ZNF398: variants seen among roughly 807,000 people sequenced by gnomAD.
The protein encoded by ZNF398 is zinc finger DNA binding protein ZER6.
In ZNF398, 18 loss-of-function variants were observed where a neutral mutation model predicts 41.9. The observed-to-expected ratio is 0.43, with a 90% CI of 0.30 to 0.64. The LOEUF (loss-of-function observed/expected upper bound fraction) is 0.64, where lower values mean the gene tolerates loss of function less well. Ranked by LOEUF, ZNF398 falls within the 30% of genes least tolerant of loss-of-function variation. The probability of loss-of-function intolerance (pLI) is 0.14; values close to 1 mark genes in which losing one functional copy is unlikely to be tolerated. For missense variants in ZNF398, 669 were observed against 822.8 expected (o/e 0.81, Z 2.29); for synonymous variants, 260 against 308.8 (o/e 0.84, Z 1.66).
At chr7:149,176,293 GC>G (rs1456584346) in intron 4 of ZNF398, among the ~76,000 whole-genome samples, 174 bp from the exon 5 acceptor site, 1 of 152,122 alleles carries the variant, frequency 6.6e-6, no homozygotes, top group African/African-American at 2.4e-5. Flanking sequence ...CTTGCAGTGA[GC>G]CATCGTGCCA....
At chr7:149,133,505 G>A (rs1176135814) in intron 2 of ZNF398, among the ~76,000 whole-genome samples, 1 of 151,374 alleles carries the variant, frequency 6.6e-6, no homozygotes, top group Non-Finnish European at 1.5e-5. Context: ...ATGCAGCCCA[G>A]CCTCATTTTA....
intron 2 of ZNF398, among the ~76,000 whole-genome samples, chr7:149,162,445 G>A (rs1795130245): frequency 6.6e-6 from 1 of 152,126 alleles, no homozygotes; most frequent in African/African-American, 2.4e-5. Flanking sequence ...GCCTCTCAAA[G>A]TGCTGGGATT....
rs1209704316 is a variant in ZNF398, at chr7:149,166,973, G to A, written c.661+43G>A. ...TTCCTACTTCTTGTCTCCCTTTCCT[G>A]GTCAGACATGGTGGCTCAGAGCTAA... On this transcript the variant is annotated intron_variant, in intron 4 of 5. Transcript: ENST00000475153. 4.3e-6 allele frequency: 6 copies of A among 1,402,790 alleles called. No individual in the cohort carries two copies. In the South Asian group the frequency reaches 6.2e-5, roughly 14 times the overall value. The allele number at this position is 1,402,790 out of a possible 1,614,324, so 86.9% of individuals were successfully genotyped here. A position where few individuals can be genotyped will look rare whatever the true frequency, so the allele number is the denominator to read the frequency against.
At position 149,180,786 on chromosome 7, in the gene ZNF398, A is replaced by T. The variant is rs1314687149; in HGVS notation, c.*985A>T. On this transcript the variant is annotated 3_prime_UTR_variant, in exon 6 of 6. Coordinates refer to ENST00000475153, the MANE Select transcript of ZNF398 (RefSeq NM_170686.3). ...CAACAAAGATCACAGCACTTTCCAG[A>T]AGCATGGAGCTTCAGAAAGTGCCAG... 1 of 152,220 alleles carries T rather than the reference A, an allele frequency of 6.6e-6. No individual in the cohort carries two copies. Among genetic ancestry groups the T allele is most frequent in the Non-Finnish European group, 1.5e-5 (1 of 68,038 alleles). 9.4% of individuals were successfully genotyped at this position (152,220 alleles called of 1,614,324 possible). A position where few individuals can be genotyped will look rare whatever the true frequency, so the allele number is the denominator to read the frequency against.
At chr7:149,155,720 T>A (rs761455474) in intron 2 of ZNF398, among the ~76,000 whole-genome samples, 34,889 of 86,486 alleles carry the variant, frequency 0.4, 5,313 homozygotes, top group East Asian at 0.56. Context: ...TTTTTTTTTT[T>A]TTTTTTTTTA....
chr7:149,159,207 G>T (rs10234692), intron 2 of ZNF398, among the ~76,000 whole-genome samples: 9 of 151,810 alleles, frequency 5.9e-5, no homozygotes, highest in East Asian at 2.0e-4. Flanking sequence ...CTCCCAAAGT[G>T]CTGGGATTAC....
At chr7:149,165,049 G>A (rs535269759) in intron 2 of ZNF398, among the ~76,000 whole-genome samples, 314 of 151,342 alleles carry the variant, frequency 2.1e-3, no homozygotes, top group Non-Finnish European at 3.8e-3. Flanking sequence ...AGACGAGATC[G>A]CGCCACTGCA....
At chr7:149,144,318 C>CT (rs1313618588), upstream of ZNF398, among the ~76,000 whole-genome samples, 5 of 151,346 alleles carry the variant, frequency 3.3e-5, no homozygotes, top group South Asian at 4.2e-4. Flanking sequence ...AACTTTACTA[C>CT]TTTTTTTTTG....
chr7:149,155,135 A>G (rs1285699440), intron 2 of ZNF398, among the ~76,000 whole-genome samples: 3 of 151,980 alleles, frequency 2.0e-5, no homozygotes, highest in Non-Finnish European at 4.4e-5. Context: ...TAAAATACAA[A>G]AATTGGCCAG....
chr7:149,172,456 C>G (rs556657765), intron 4 of ZNF398, among the ~76,000 whole-genome samples: 1 of 152,162 alleles, frequency 6.6e-6, no homozygotes, highest in Admixed American at 6.6e-5. Context: ...CGCTCCCCCC[C>G]TTTTTAAAAA....
At position 149,147,882 on chromosome 7, in the gene ZNF398, C is replaced by T. The variant is rs1826996253; in HGVS notation, c.24+116C>T. 3 of 1,192,646 alleles carry T rather than the reference C, an allele frequency of 2.5e-6. No individual in the cohort carries two copies. The highest frequency in any genetic ancestry group is 1.6e-5 in the African/African-American group (1 of 62,900). 73.9% of individuals were successfully genotyped at this position (1,192,646 alleles called of 1,614,324 possible). A position where few individuals can be genotyped will look rare whatever the true frequency, so the allele number is the denominator to read the frequency against. ...CGCCGTTCTCGGGTCCCGCCGGCCACGTCGCCTGTCGCCCGTGCTTGGCGG... is the reference window on the plus strand; with the variant it reads ...CGCCGTTCTCGGGTCCCGCCGGCCATGTCGCCTGTCGCCCGTGCTTGGCGG... On this transcript the variant is annotated intron_variant, in intron 1 of 5. Coordinates refer to ENST00000475153, the MANE Select transcript of ZNF398 (RefSeq NM_170686.3). This position sits in a 1 kb window ranked among gnomAD's most constrained non-coding sequence, Gnocchi z 5.6.
chr7:149,165,062 C>T (rs1795198484), intron 2 of ZNF398, among the ~76,000 whole-genome samples: 1 of 151,054 alleles, frequency 6.6e-6, no homozygotes, highest in Non-Finnish European at 1.5e-5. Flanking sequence ...CCACTGCACT[C>T]CAGCCTGGGT....
At chr7:149,170,192 T>C (rs1195346434) in intron 4 of ZNF398, among the ~76,000 whole-genome samples, 1 of 152,160 alleles carries the variant, frequency 6.6e-6, no homozygotes, top group Admixed American at 6.6e-5. Flanking sequence ...TGCTGAACAA[T>C]GGGGATATCT....
chr7:149,142,065 C>T (rs778711231), intron 2 of ZNF398, among the ~76,000 whole-genome samples: 6 of 152,280 alleles, frequency 3.9e-5, no homozygotes, highest in Admixed American at 3.3e-4. Flanking sequence ...CCTCCCACCT[C>T]GACCTCCCAA....
chr7:149,153,851 G>A (rs1794910613), intron 1 of ZNF398, 94 bp from the exon 2 acceptor site: 8 of 1,397,926 alleles, frequency 5.7e-6, no homozygotes, highest in Non-Finnish European at 7.8e-6. Flanking sequence ...ATTAATCTCT[G>A]CTGGACAGTT....
At chr7:149,158,031 G>A (rs1280884619) in intron 2 of ZNF398, among the ~76,000 whole-genome samples, 1 of 152,006 alleles carries the variant, frequency 6.6e-6, no homozygotes, top group Non-Finnish European at 1.5e-5. Context: ...GCAGTAAGCC[G>A]AGATCGTGCC....
rs952366147 is a variant in ZNF398 at position 149,180,911 on chromosome 7, C to T, written c.*1110C>T. The T allele has an allele frequency of 1.3e-5, 2 of 152,300 alleles. No homozygotes were observed. The highest frequency in any genetic ancestry group is 4.8e-5 in the African/African-American group (2 of 41,430). 9.4% of individuals were successfully genotyped at this position (152,300 alleles called of 1,614,324 possible). A position where few individuals can be genotyped will look rare whatever the true frequency, so the allele number is the denominator to read the frequency against. The stretch of plus-strand genomic sequence containing the variant: ...ATGTTCACCCTATCTGGCTGTATCC[C>T]ATTGGCAGTGGACAGATTGAGGAAA... On this transcript the variant is annotated 3_prime_UTR_variant, in exon 6 of 6. Coordinates refer to ENST00000475153, the MANE Select transcript of ZNF398 (RefSeq NM_170686.3).
At chr7:149,132,151 A>G (rs1826607643) in intron 2 of ZNF398, among the ~76,000 whole-genome samples, 1 of 151,218 alleles carries the variant, frequency 6.6e-6, no homozygotes, top group Admixed American at 6.6e-5. Flanking sequence ...AGAAGAGGTT[A>G]TATCAATTTA....
rs1359502087 is a variant in ZNF398 at position 149,181,170 on chromosome 7, C to T, written c.*1369C>T. 4 of 152,572 alleles carry T rather than the reference C, an allele frequency of 2.6e-5. No individual in the cohort carries two copies. Among genetic ancestry groups the T allele is most frequent in the African/African-American group, 9.7e-5 (4 of 41,428 alleles). The allele number at this position is 152,572 out of a possible 1,614,324, so 9.5% of individuals were successfully genotyped here. A position where few individuals can be genotyped will look rare whatever the true frequency, so the allele number is the denominator to read the frequency against. On this transcript the variant is annotated 3_prime_UTR_variant, in exon 6 of 6. Transcript: ENST00000475153. ...TGTTGAAAGGAAAAAAAGTGAGCCTCTAGGAATTATTCAAAAAAAGTCTGT... is the reference window on the plus strand; with the variant it reads ...TGTTGAAAGGAAAAAAAGTGAGCCTTTAGGAATTATTCAAAAAAAGTCTGT...
Sources: gnomAD v4.1 joint callset for allele counts (sites outside exome capture counted in the v4.1 genomes callset) on GRCh38, gnomAD v4.1.1 for gene constraint, Gnocchi (gnomAD v3.1) non-coding constraint, MANE v1.5 for transcripts, NCBI Gene and HGNC (gene_info 2026-07-23, HGNC 2026-07-21) for gene names.